Variants in UBXN2A observed in about 807,000 individuals in gnomAD.
UBXN2A encodes UBX domain protein 2A, also known as UBX domain-containing protein 2A.
In UBXN2A, 28 loss-of-function variants were observed where a neutral mutation model predicts 28.4. The observed-to-expected ratio is 0.99, with a 90% CI of 0.73 to 1.35. UBXN2A has a LOEUF of 1.35. UBXN2A is among the 40% of genes most tolerant of loss of function. The probability of loss-of-function intolerance (pLI) is 0.00; values close to 1 mark genes in which losing one functional copy is unlikely to be tolerated. For synonymous variants in UBXN2A, 97 were observed against 103.6 expected (o/e 0.94, Z 0.39); for missense variants, 253 against 297.9 (o/e 0.85, Z 1.11).
At chr2:23,955,518 A>C (rs1706579316) in intron 1 of UBXN2A, among the ~76,000 whole-genome samples, 1 of 152,184 alleles carries the variant, frequency 6.6e-6, no homozygotes, top group East Asian at 1.9e-4. Flanking sequence ...TCACTTAATG[A>C]AGGGCATACA....
intron 1 of UBXN2A, among the ~76,000 whole-genome samples, chr2:23,941,069 C>A (rs1329239140): frequency 6.6e-6 from 1 of 152,194 alleles, no homozygotes; most frequent in African/African-American, 2.4e-5. Context: ...CACTCACTTT[C>A]TCTGATGTTT....
intron 1 of UBXN2A, chr2:23,943,726 G>A (rs553928492): frequency 5.9e-4 from 115 of 194,198 alleles, no homozygotes; most frequent in Admixed American, 1.1e-3. Context: ...CCTGACCTCA[G>A]GTAATCTGCC....
In UBXN2A at chr2:23,949,874, C is replaced by CAA. The variant is rs34149974; in HGVS notation, c.-14-8415_-14-8414dup. 2.2e-3 allele frequency among the ~76,000 whole-genome samples: 327 copies of CAA among 147,498 alleles called. 1 individual carries two copies. Among genetic ancestry groups the CAA allele is most frequent in the Admixed American group, 5.3e-3 (78 of 14,790 alleles). On this transcript the variant is annotated intron_variant, in intron 1 of 6. Transcript: ENST00000309033. Reference sequence around the variant, plus strand: ...TGGGCAACAGAGCAAGACTCTGTCTCAAAAAAAAAAAAATTATTTGTATAA... The same window carrying CAA: ...TGGGCAACAGAGCAAGACTCTGTCTCAAAAAAAAAAAAAAATTATTTGTATAA...
intron 6 of UBXN2A, among the ~76,000 whole-genome samples, chr2:23,991,350 C>T (rs945272178): frequency 1.3e-5 from 2 of 151,742 alleles, no homozygotes; most frequent in African/African-American, 4.8e-5. Context: ...GCTGAGACCC[C>T]TTTAACAAAA....
rs1335955204 is a variant in UBXN2A at position 24,003,400 on chromosome 2, AG to A, written c.*3535del. 6.6e-6 allele frequency: 1 copy of A among 152,150 alleles called. No individual in the cohort carries two copies. The highest frequency in any genetic ancestry group is 1.5e-5 in the Non-Finnish European group (1 of 68,016). The allele number at this position is 152,150 out of a possible 1,614,324, so 9.4% of individuals were successfully genotyped here. A position where few individuals can be genotyped will look rare whatever the true frequency, so the allele number is the denominator to read the frequency against. ...TACCTCCTATAGCACAGCCGAGACA[AG>A]GCTGGAACATTTAATTAAGGTTTTT... On this transcript the variant is annotated 3_prime_UTR_variant, in exon 7 of 7. Coordinates refer to ENST00000309033, the MANE Select transcript of UBXN2A (RefSeq NM_181713.4).
intron 1 of UBXN2A, chr2:23,944,307 G>T (rs1219832901): frequency 7.5e-6 from 12 of 1,604,902 alleles, no homozygotes; most frequent in Non-Finnish European, 5.1e-6. Flanking sequence ...TGGAGTGGTT[G>T]TCCTGGTTCT....
In UBXN2A at chr2:23,986,205, G is replaced by A. The variant is rs554794138; in HGVS notation, c.584+1374G>A. Among the ~76,000 whole-genome samples the A allele has an allele frequency of 7.2e-5, 11 of 152,096 alleles. No individual in the cohort carries two copies. The South Asian group carries it at 2.3e-3, about 32-fold the overall frequency. On this transcript the variant is annotated intron_variant, in intron 6 of 6. Coordinates refer to ENST00000309033, the MANE Select transcript of UBXN2A (RefSeq NM_181713.4). Reference sequence around the variant, plus strand: ...GGCGCCTGTAGTCCCAGCTACTCTGGAGGCTGAGGCAGGAGAATGGCGTGA... The same window carrying A: ...GGCGCCTGTAGTCCCAGCTACTCTGAAGGCTGAGGCAGGAGAATGGCGTGA...
chr2:23,928,459 C>T (rs759753962), intron 1 of UBXN2A, among the ~76,000 whole-genome samples: 4 of 151,984 alleles, frequency 2.6e-5, no homozygotes, highest in Non-Finnish European at 5.9e-5. Context: ...TGCCTGTAAT[C>T]CCAGCTACTT....
upstream of UBXN2A, among the ~76,000 whole-genome samples, chr2:23,936,377 G>A (rs538818254): frequency 7.9e-5 from 12 of 152,138 alleles, no homozygotes; most frequent in African/African-American, 2.2e-4. Context: ...AGGAGTCCAC[G>A]TATATGAGGT....
intron 4 of UBXN2A, among the ~76,000 whole-genome samples, chr2:23,977,849 C>G (rs1006448882): frequency 6.6e-6 from 1 of 151,342 alleles, no homozygotes; most frequent in Non-Finnish European, 1.5e-5. Context: ...TTTTTTTTCC[C>G]GAGATGGAGT....
chr2:23,957,389 G>C (rs545653073), intron 1 of UBXN2A, among the ~76,000 whole-genome samples: 1 of 152,190 alleles, frequency 6.6e-6, no homozygotes, highest in Admixed American at 6.5e-5. Flanking sequence ...TGCAACCTCT[G>C]CCTCCCAGGT....
At position 23,999,536 on chromosome 2, in the gene UBXN2A, A is replaced by G. The variant is rs900785504; in HGVS notation, c.585-136A>G. 9.6e-6 allele frequency: 9 copies of G among 940,582 alleles called. No individual in the cohort carries two copies. The African/African-American group carries it at 1.5e-4, about 16-fold the overall frequency. 58.3% of individuals were successfully genotyped at this position (940,582 alleles called of 1,614,324 possible). A position where few individuals can be genotyped will look rare whatever the true frequency, so the allele number is the denominator to read the frequency against. ...GGAGTTATTATGATGGCACCACTGC[A>G]CTGCATCCTGGGTGACAAAGCAAGA... On this transcript the variant is annotated intron_variant, in intron 6 of 6. Transcript: ENST00000309033.
rs1394336407 is a variant in UBXN2A, at chr2:24,003,331, G to C, written c.*3464G>C. 1 of 152,180 alleles carries C rather than the reference G, an allele frequency of 6.6e-6. No homozygotes were observed. Among genetic ancestry groups the C allele is most frequent in the African/African-American group, 2.4e-5 (1 of 41,444 alleles). The allele number at this position is 152,180 out of a possible 1,614,324, so 9.4% of individuals were successfully genotyped here. A position where few individuals can be genotyped will look rare whatever the true frequency, so the allele number is the denominator to read the frequency against. On this transcript the variant is annotated 3_prime_UTR_variant, in exon 7 of 7. Transcript: ENST00000309033. The stretch of plus-strand genomic sequence containing the variant: ...CCCAGTTTGCTCTTGGAAAGAGTCT[G>C]TTCCCTTTTGTCACTGAACCAATCA...
intron 2 of UBXN2A, 56 bp from the exon 3 acceptor site, chr2:23,971,220 G>A (rs1429247997): frequency 1.4e-6 from 2 of 1,435,696 alleles, no homozygotes; most frequent in East Asian, 2.3e-5. Flanking sequence ...AACAAAATAA[G>A]TAAATTTTTA....
Position 23,976,960 on chromosome 2 carries a change from G to T in UBXN2A, c.181-9G>T. On this transcript the variant is annotated splice_polypyrimidine_tract_variant and intron_variant, in intron 3 of 6. Transcript: ENST00000309033. The stretch of plus-strand genomic sequence containing the variant: ...AACATGACGCATTTTGTTTCCTACT[G>T]TTTTGCAGGTAGATGTAAATATAAA... 6.3e-7 allele frequency: 1 copy of T among 1,599,218 alleles called. No individual in the cohort carries two copies. Among genetic ancestry groups the T allele is most frequent in the South Asian group, 1.1e-5 (1 of 90,656 alleles).
chr2:23,962,130 G>A (rs1269875743), intron 2 of UBXN2A, among the ~76,000 whole-genome samples: 4 of 152,118 alleles, frequency 2.6e-5, no homozygotes, highest in Non-Finnish European at 5.9e-5. Flanking sequence ...ACAGGCATGA[G>A]CCACCGCGCC....
At position 24,001,754 on chromosome 2, in the gene UBXN2A, T is replaced by C. The variant is rs1708728285; in HGVS notation, c.*1887T>C. On this transcript the variant is annotated 3_prime_UTR_variant, in exon 7 of 7. Transcript: ENST00000309033. The stretch of plus-strand genomic sequence containing the variant: ...GCAGGCGGATCACAAGGTCAAGTGA[T>C]TGAGACCATCCTGTCCAACATGGTG... 1 of 149,194 alleles carries C rather than the reference T, an allele frequency of 6.7e-6. No individual in the cohort carries two copies. The highest frequency in any genetic ancestry group is 2.5e-5 in the African/African-American group (1 of 40,406). 9.2% of individuals were successfully genotyped at this position (149,194 alleles called of 1,614,324 possible).
rs1197404445 is a variant in UBXN2A at position 24,003,459 on chromosome 2, T to A, written c.*3592T>A. On this transcript the variant is annotated 3_prime_UTR_variant, in exon 7 of 7. Coordinates refer to ENST00000309033, the MANE Select transcript of UBXN2A (RefSeq NM_181713.4). ...ACTCAGGAATAACAACAGGGAAATATCTATGTAACTAGATGACCTGACATA... is the reference window on the plus strand; with the variant it reads ...ACTCAGGAATAACAACAGGGAAATAACTATGTAACTAGATGACCTGACATA... 6.6e-6 allele frequency: 1 copy of A among 152,098 alleles called. No homozygotes were observed. The highest frequency in any genetic ancestry group is 2.4e-5 in the African/African-American group (1 of 41,420). The allele number at this position is 152,098 out of a possible 1,614,324, so 9.4% of individuals were successfully genotyped here. A position where few individuals can be genotyped will look rare whatever the true frequency, so the allele number is the denominator to read the frequency against.
At chr2:23,946,342 T>G (rs1426271593) in intron 1 of UBXN2A, among the ~76,000 whole-genome samples, 1 of 151,106 alleles carries the variant, frequency 6.6e-6, no homozygotes, top group East Asian at 1.9e-4. Flanking sequence ...TGTTGTTTTT[T>G]TTTTTTACTC....
Sources: allele counts gnomAD v4.1 joint callset (sites outside exome capture counted in the v4.1 genomes callset), GRCh38; gene constraint gnomAD v4.1.1; transcripts MANE v1.5; gene names NCBI Gene and HGNC (gene_info 2026-07-23, HGNC 2026-07-21).